FAM185A: variants seen among roughly 807,000 people sequenced by gnomAD.
The protein encoded by FAM185A is protein FAM185A.
A neutral mutation model predicts 45.7 loss-of-function variants in FAM185A; 21 were observed. The observed-to-expected ratio is 0.46, with a 90% CI of 0.33 to 0.66. The LOEUF (loss-of-function observed/expected upper bound fraction) is 0.66. Ranked by LOEUF, FAM185A falls within the 30% of genes least tolerant of loss-of-function variation. The pLI, the probability that FAM185A is intolerant of heterozygous loss-of-function variation, is 0.03. For missense variants in FAM185A, 305 were observed against 485.4 expected (o/e 0.63, Z 3.49); for synonymous variants, 117 against 194.0 (o/e 0.60, Z 3.30).
chr7:102,831,836 T>C, the FAM185A span, among the ~76,000 whole-genome samples: 1 of 152,144 alleles, frequency 6.6e-6, no homozygotes, highest in African/African-American at 2.4e-5. Context: ...GGGCCCTCAC[T>C]CTTCATCTCT....
chr7:102,839,063 A>G, the FAM185A span, among the ~76,000 whole-genome samples: 1,633 of 152,332 alleles, frequency 0.011, 36 homozygotes, highest in African/African-American at 0.038. Flanking sequence ...TATTTGTTCA[A>G]TTCTGAGATA....
At chr7:102,830,185 C>T in the FAM185A span, among the ~76,000 whole-genome samples, 1 of 152,172 alleles carries the variant, frequency 6.6e-6, no homozygotes, top group Non-Finnish European at 1.5e-5. Context: ...TTCCCTCAGC[C>T]TTCATAACAA....
intron 6 of FAM185A, among the ~76,000 whole-genome samples, chr7:102,779,454 T>G (rs1431373718): frequency 6.6e-6 from 1 of 152,168 alleles, no homozygotes. Context: ...CAGAGACAAG[T>G]GTTCATAAAG....
chr7:102,794,761 A>C (rs1422825573), intron 7 of FAM185A, among the ~76,000 whole-genome samples: 1 of 152,272 alleles, frequency 6.6e-6, no homozygotes, highest in Non-Finnish European at 1.5e-5. Context: ...AATGACTTAA[A>C]TATCCTTCCA....
chr7:102,791,746 A>G lies in FAM185A; in HGVS notation c.1066+4277A>G, dbSNP rs1796155896. 2.6e-5 allele frequency among the ~76,000 whole-genome samples: 4 copies of G among 151,898 alleles called. No individual in the cohort carries two copies. In the South Asian group the frequency reaches 8.3e-4, roughly 32 times the overall value. On this transcript the variant is annotated intron_variant, in intron 7 of 7. Transcript: ENST00000413034. ...ATAATGGACCTCAGGTGAAGAGAGCAGCAGTCTCTGGAGGGAGCTGTGAGT... is the reference window on the plus strand; with the variant it reads ...ATAATGGACCTCAGGTGAAGAGAGCGGCAGTCTCTGGAGGGAGCTGTGAGT...
At chr7:102,847,973 A>T in the FAM185A span, among the ~76,000 whole-genome samples, 1 of 152,196 alleles carries the variant, frequency 6.6e-6, no homozygotes, top group Admixed American at 6.5e-5. Context: ...ATATGATCTA[A>T]TATATACCAA....
chr7:102,828,890 C>T, the FAM185A span, among the ~76,000 whole-genome samples: 1 of 152,180 alleles, frequency 6.6e-6, no homozygotes, highest in Non-Finnish European at 1.5e-5. Flanking sequence ...ATGTACTTCA[C>T]CTGCAGGACA....
At chr7:102,803,910 C>A (rs1023628267) in intron 7 of FAM185A, among the ~76,000 whole-genome samples, 1 of 151,316 alleles carries the variant, frequency 6.6e-6, no homozygotes, top group Non-Finnish European at 1.5e-5. Context: ...AGAATCAAAT[C>A]AATAACTCAA....
At chr7:102,834,087 A>ATG in the FAM185A span, among the ~76,000 whole-genome samples, 1 of 59,680 alleles carries the variant, frequency 1.7e-5, no homozygotes, top group Non-Finnish European at 3.5e-5. Flanking sequence ...GAAGGAAAGA[A>ATG]AAGAAAGAAA....
chr7:102,800,693 AAAG>A (rs1190658234), intron 7 of FAM185A, among the ~76,000 whole-genome samples: 1 of 152,124 alleles, frequency 6.6e-6, no homozygotes, highest in South Asian at 2.1e-4. Flanking sequence ...AACAAAGAAA[AAAG>A]AAGAAAATAT....
chr7:102,827,656 C>T, the FAM185A span, among the ~76,000 whole-genome samples: 5 of 151,974 alleles, frequency 3.3e-5, no homozygotes, highest in South Asian at 2.1e-4. Flanking sequence ...AGGTATATCT[C>T]GTAATGCTAT....
intron 2 of FAM185A, among the ~76,000 whole-genome samples, chr7:102,754,185 GACCT>G (rs1353161973): frequency 6.7e-6 from 1 of 148,934 alleles, no homozygotes; most frequent in Non-Finnish European, 1.5e-5. Flanking sequence ...AAATATAGTT[GACCT>G]ACATAATAAA....
the FAM185A span, among the ~76,000 whole-genome samples, chr7:102,844,669 C>G: frequency 6.6e-6 from 1 of 152,142 alleles, no homozygotes; most frequent in Non-Finnish European, 1.5e-5. Flanking sequence ...TATACACTGA[C>G]CAATTCTGTG....
chr7:102,810,232 C>CT, downstream of FAM185A, among the ~76,000 whole-genome samples: 1 of 152,172 alleles, frequency 6.6e-6, no homozygotes, highest in East Asian at 1.9e-4. Context: ...TAAGTCAGTT[C>CT]TTTTTTTGTT....
At chr7:102,750,726 A>C (rs1793312864) in intron 1 of FAM185A, among the ~76,000 whole-genome samples, 1 of 152,186 alleles carries the variant, frequency 6.6e-6, no homozygotes, top group African/African-American at 2.4e-5. Context: ...AAGAGAAATC[A>C]TCAATATTTA....
At chr7:102,799,375 TA>T (rs1796639604) in intron 7 of FAM185A, among the ~76,000 whole-genome samples, 1 of 152,132 alleles carries the variant, frequency 6.6e-6, no homozygotes, top group South Asian at 2.1e-4. Context: ...CTCCAGGACA[TA>T]GACAAGATTA....
At chr7:102,788,211 A>C (rs747593905) in intron 7 of FAM185A, among the ~76,000 whole-genome samples, 4 of 152,056 alleles carry the variant, frequency 2.6e-5, no homozygotes, top group Non-Finnish European at 5.9e-5. Context: ...TCAGGTGATC[A>C]GCCCACCTCA....
chr7:102,774,725 C>T (rs1457008199), intron 5 of FAM185A, among the ~76,000 whole-genome samples: 3 of 151,806 alleles, frequency 2.0e-5, no homozygotes, highest in African/African-American at 7.3e-5. Context: ...TTAATATGAC[C>T]AACTATACTG....
chr7:102,818,106 CTT>C, the FAM185A span, among the ~76,000 whole-genome samples: 2 of 152,180 alleles, frequency 1.3e-5, no homozygotes, highest in South Asian at 2.1e-4. Flanking sequence ...CTTCTAATCT[CTT>C]GAGTAGGCAA....
Sources: allele counts gnomAD v4.1 joint callset (sites outside exome capture counted in the v4.1 genomes callset), GRCh38; gene constraint gnomAD v4.1.1; transcripts MANE v1.5; gene names NCBI Gene and HGNC (gene_info 2026-07-23, HGNC 2026-07-21).